Variants in CRACD observed in about 807,000 individuals in gnomAD.
The protein encoded by CRACD is capping protein inhibiting regulator of actin dynamics.
In CRACD, 56 loss-of-function variants were observed where a neutral mutation model predicts 106.8. The ratio of observed to expected loss-of-function variants is 0.52; its 90% CI spans 0.42 to 0.66. The LOEUF is 0.66. Among genes scored for constraint, CRACD ranks in the 30% least tolerant of loss-of-function variants. The pLI is 0.00. For missense variants in CRACD, 1,730 were observed against 1,623.2 expected (o/e 1.07, Z -1.13); for synonymous variants, 754 against 670.8 (o/e 1.12, Z -1.92).
At chr4:56,209,000 G>T (rs550287266) in intron 2 of CRACD, among the ~76,000 whole-genome samples, 30 of 152,096 alleles carry the variant, frequency 2.0e-4, no homozygotes, top group Non-Finnish European at 2.6e-4. Flanking sequence ...ATTTTTTGCA[G>T]TTTACTCAAA....
chr4:56,273,327 T>TCCTTCCTC (rs1307604671), intron 3 of CRACD, among the ~76,000 whole-genome samples: 5 of 151,514 alleles, frequency 3.3e-5, no homozygotes, highest in East Asian at 1.9e-4. Context: ...CTTCCTTCCT[T>TCCTTCCTC]CCTTCCTCCC....
At chr4:56,077,442 G>T (rs905906868) in intron 1 of CRACD, among the ~76,000 whole-genome samples, 1 of 152,106 alleles carries the variant, frequency 6.6e-6, no homozygotes, top group Non-Finnish European at 1.5e-5. Flanking sequence ...TTATGTATAC[G>T]TGCACATTTG....
At chr4:56,280,157 G>C (rs1340454704) in intron 3 of CRACD, among the ~76,000 whole-genome samples, 1 of 109,282 alleles carries the variant, frequency 9.2e-6, no homozygotes, top group Non-Finnish European at 1.8e-5. Context: ...GTGGGGGGAG[G>C]GGGGAGGGAT....
intron 2 of CRACD, among the ~76,000 whole-genome samples, chr4:56,245,408 T>G (rs1191549023): frequency 2.6e-5 from 4 of 152,174 alleles, no homozygotes; most frequent in Non-Finnish European, 5.9e-5. Flanking sequence ...TTTTGTCACA[T>G]GCCAAAAAAA....
intron 1 of CRACD, among the ~76,000 whole-genome samples, chr4:56,156,598 T>C (rs992590270): frequency 6.6e-6 from 1 of 152,240 alleles, no homozygotes; most frequent in Non-Finnish European, 1.5e-5. Context: ...ACATTTTTCC[T>C]GACTTCTTCT....
Position 56,095,166 on chromosome 4 carries a change from A to G in CRACD, c.-336+45867A>G, listed in dbSNP as rs542151158. ...CAGGAGTTTGAGACCAGCTGGAGCA[A>G]CATAGTGAGACCTTGTCTCTACTAA... On this transcript the variant is annotated intron_variant, in intron 1 of 10. Coordinates refer to ENST00000682029, the MANE Select transcript of CRACD (RefSeq NM_001393381.1). Among the ~76,000 whole-genome samples, 6 of 152,294 alleles carry G rather than the reference A, an allele frequency of 3.9e-5. No individual in the cohort carries two copies. The East Asian group carries it at 1.2e-3, about 29-fold the overall frequency.
chr4:56,201,011 T>G (rs1456744540), intron 2 of CRACD, among the ~76,000 whole-genome samples: 1 of 152,252 alleles, frequency 6.6e-6, no homozygotes, highest in Non-Finnish European at 1.5e-5. Context: ...AATACTGATT[T>G]CTAAAACTCA....
chr4:56,060,947 A>T (rs1732248337), intron 1 of CRACD, among the ~76,000 whole-genome samples: 2 of 152,156 alleles, frequency 1.3e-5, no homozygotes, highest in Non-Finnish European at 2.9e-5. Context: ...CAGCCTCCAG[A>T]ACTGTGAGAA....
Position 56,297,960 on chromosome 4 carries a change from T to A in CRACD, c.-16-254T>A, listed in dbSNP as rs1744142750. On this transcript the variant is annotated intron_variant, in intron 3 of 10. Coordinates refer to ENST00000682029, the MANE Select transcript of CRACD (RefSeq NM_001393381.1). ...GTTCTGCAGTGCCTTCTGTCTTGGA[T>A]CCTATACAAATAAGTAACTGTCTTT... The A allele has an allele frequency of 9.4e-6, 3 of 319,764 alleles. No individual in the cohort carries two copies. In the Admixed American group the frequency reaches 1.3e-4, roughly 14 times the overall value. The allele number at this position is 319,764 out of a possible 1,614,324, so 19.8% of individuals were successfully genotyped here. A position where few individuals can be genotyped will look rare whatever the true frequency, so the allele number is the denominator to read the frequency against.
chr4:56,111,928 G>C (rs1161409841), intron 1 of CRACD, among the ~76,000 whole-genome samples: 1 of 152,206 alleles, frequency 6.6e-6, no homozygotes, highest in African/African-American at 2.4e-5. Context: ...AGGATGTATA[G>C]TAGAGGAAGC....
At chr4:56,083,723 C>T (rs1187572511) in intron 1 of CRACD, among the ~76,000 whole-genome samples, 1 of 151,958 alleles carries the variant, frequency 6.6e-6, no homozygotes, top group African/African-American at 2.4e-5. Flanking sequence ...ACCTAGAATC[C>T]CAACACTTTG....
intron 1 of CRACD, among the ~76,000 whole-genome samples, chr4:56,116,918 G>A (rs570823876): frequency 3.4e-4 from 52 of 151,508 alleles, no homozygotes; most frequent in Middle Eastern, 3.4e-3. Flanking sequence ...ATGTTGGCCC[G>A]GCTGGTCTCG....
intron 1 of CRACD, among the ~76,000 whole-genome samples, chr4:56,148,504 G>T (rs1735473257): frequency 6.6e-6 from 1 of 152,010 alleles, no homozygotes; most frequent in Non-Finnish European, 1.5e-5. Flanking sequence ...ATGTTGCCTA[G>T]GCTGGTCTTG....
At chr4:56,167,344 A>G (rs2169917) in intron 1 of CRACD, among the ~76,000 whole-genome samples, 49,761 of 152,062 alleles carry the variant, frequency 0.33, 8,127 homozygotes, top group Admixed American at 0.34. Context: ...AACTTATTAA[A>G]CTGGATATTG....
intron 1 of CRACD, among the ~76,000 whole-genome samples, chr4:56,175,528 A>G (rs188403235): frequency 6.6e-5 from 10 of 152,182 alleles, no homozygotes; most frequent in African/African-American, 1.9e-4. Flanking sequence ...TTTTGTGGGT[A>G]TGTAGTTATG....
intron 2 of CRACD, among the ~76,000 whole-genome samples, chr4:56,200,377 T>C (rs918511524): frequency 6.6e-6 from 1 of 152,184 alleles, no homozygotes; most frequent in Non-Finnish European, 1.5e-5. Flanking sequence ...TGGACATCTC[T>C]AACTATGCTT....
chr4:56,077,618 G>T (rs1241601857), intron 1 of CRACD, among the ~76,000 whole-genome samples: 1 of 152,154 alleles, frequency 6.6e-6, no homozygotes. Context: ...AATAGATAAT[G>T]TTTTTGATAT....
intron 3 of CRACD, among the ~76,000 whole-genome samples, chr4:56,272,984 G>C (rs1365128627): frequency 6.6e-6 from 1 of 151,844 alleles, no homozygotes; most frequent in African/African-American, 2.4e-5. Context: ...AAGTCACCTT[G>C]GGGAGTTATC....
At chr4:56,096,473 G>A (rs1243609758) in intron 1 of CRACD, among the ~76,000 whole-genome samples, 1 of 152,156 alleles carries the variant, frequency 6.6e-6, no homozygotes. Flanking sequence ...AGCATTTGGG[G>A]AGGCCAAGGC....
Sources: gnomAD v4.1 joint callset for allele counts (sites outside exome capture counted in the v4.1 genomes callset) on GRCh38, gnomAD v4.1.1 for gene constraint, MANE v1.5 for transcripts, NCBI Gene and HGNC (gene_info 2026-07-23, HGNC 2026-07-21) for gene names.